The following SV2C variants were observed in gnomAD, a reference collection of about 807,000 sequenced individuals.
The protein encoded by SV2C is solute carrier family 22 member B3.
SV2C carries 49 observed loss-of-function variants against 79.7 expected under a neutral mutation model. The ratio of observed to expected loss-of-function variants is 0.61; its 90% CI spans 0.49 to 0.78. The LOEUF is 0.78. SV2C is among the 30% of genes least tolerant of loss of function. The probability of loss-of-function intolerance (pLI) is 0.00; values close to 1 mark genes in which losing one functional copy is unlikely to be tolerated. For missense variants in SV2C, 833 were observed against 912.9 expected, an observed-to-expected ratio of 0.91 and a Z score of 1.13; for synonymous variants, 334 against 333.2, an observed-to-expected ratio of 1.00 and a Z score of -0.03.
chr5:75,848,833 A>G, the SV2C span, among the ~76,000 whole-genome samples: 3 of 152,054 alleles, frequency 2.0e-5, no homozygotes, highest in Non-Finnish European at 4.4e-5. Flanking sequence ...TTGAATCCCT[A>G]CTCTGTCAAT....
At position 76,271,616 on chromosome 5, in the gene SV2C, C is replaced by CTTTTTTTTTTTT. The variant is rs34458409; in HGVS notation, c.914-13533_914-13522dup. On this transcript the variant is annotated intron_variant, in intron 4 of 12. Coordinates refer to ENST00000502798, the MANE Select transcript of SV2C (RefSeq NM_014979.4). Reference sequence around the variant, plus strand: ...TCAAAAAAACTACTAAGCATGTGTTCTTTTTTTTTTTTTTTTTTTTTTTTG... The same window carrying CTTTTTTTTTTTT: ...TCAAAAAAACTACTAAGCATGTGTTCTTTTTTTTTTTTTTTTTTTTTTTTTTTTTTTTTTTTG... Among the ~76,000 whole-genome samples, 791 of 96,058 alleles carry CTTTTTTTTTTTT rather than the reference C, an allele frequency of 8.2e-3. 1 individual carries two copies. The highest frequency in any genetic ancestry group is 9.1e-3 in the Non-Finnish European group (460 of 50,454). The allele number at this position is 96,058 out of a possible 152,430, so 63.0% of individuals were successfully genotyped here.
At chr5:75,883,264 A>G in the SV2C span, among the ~76,000 whole-genome samples, 3 of 133,906 alleles carry the variant, frequency 2.2e-5, no homozygotes, top group Non-Finnish European at 4.6e-5. Flanking sequence ...TAGTTCAACC[A>G]TTGTGGAAGT....
In SV2C at chr5:76,170,505, T is replaced by C. The variant is rs527967901; in HGVS notation, c.581-24414T>C. Among the ~76,000 whole-genome samples, 106 of 123,452 alleles carry C rather than the reference T, an allele frequency of 8.6e-4. 1 individual carries two copies. Among genetic ancestry groups the C allele is most frequent in the African/African-American group, 2.9e-3 (98 of 33,244 alleles). The allele number at this position is 123,452 out of a possible 152,430, so 81.0% of individuals were successfully genotyped here. A position where few individuals can be genotyped will look rare whatever the true frequency, so the allele number is the denominator to read the frequency against. On this transcript the variant is annotated intron_variant, in intron 2 of 12. Transcript: ENST00000502798. ...ACAGCTGCAGAAGCCTGAAAATGAT[T>C]TACAAAAATTGTTAAATCATTAAAA...
chr5:76,289,956 A>T (rs1268221132), intron 6 of SV2C, among the ~76,000 whole-genome samples: 1 of 152,196 alleles, frequency 6.6e-6, no homozygotes. Flanking sequence ...TTGGAGCCAC[A>T]TGGCTGCCTA....
the SV2C span, among the ~76,000 whole-genome samples, chr5:75,908,103 T>C: frequency 7.2e-5 from 11 of 152,260 alleles, no homozygotes; most frequent in Non-Finnish European, 2.9e-5. Flanking sequence ...CAATCGTTTT[T>C]AGTATATTCA....
chr5:76,341,119 C>A (rs12516036), intron 12 of SV2C, among the ~76,000 whole-genome samples: 1 of 152,004 alleles, frequency 6.6e-6, no homozygotes, highest in Non-Finnish European at 1.5e-5. Flanking sequence ...TTAGTACAGA[C>A]GGGTTTTCAC....
chr5:75,936,804 C>T, the SV2C span, among the ~76,000 whole-genome samples: 57 of 152,238 alleles, frequency 3.7e-4, no homozygotes, highest in African/African-American at 1.3e-3. Context: ...TACGGCAAAC[C>T]CAATGGACAG....
At chr5:76,307,156 G>A (rs1340518649) in intron 12 of SV2C, among the ~76,000 whole-genome samples, 1 of 152,058 alleles carries the variant, frequency 6.6e-6, no homozygotes, top group Non-Finnish European at 1.5e-5. Flanking sequence ...AATTTATGAG[G>A]TTTTCAGCCA....
chr5:76,102,527 C>T (rs765503516), intron 1 of SV2C, among the ~76,000 whole-genome samples: 3 of 152,056 alleles, frequency 2.0e-5, no homozygotes, highest in Non-Finnish European at 2.9e-5. Context: ...TCTGGTGAAC[C>T]CAGGAGGTGA....
At chr5:76,036,804 TG>T in the SV2C span, among the ~76,000 whole-genome samples, 22 of 152,220 alleles carry the variant, frequency 1.4e-4, no homozygotes, top group Admixed American at 6.5e-4. Flanking sequence ...CTTGCTAGAT[TG>T]GGGAAGTTCT....
chr5:76,059,116 C>G, the SV2C span, among the ~76,000 whole-genome samples: 1 of 152,088 alleles, frequency 6.6e-6, no homozygotes, highest in Non-Finnish European at 1.5e-5. Flanking sequence ...CTAAAAGATG[C>G]TAACAATCAT....
intron 4 of SV2C, among the ~76,000 whole-genome samples, chr5:76,256,891 C>T (rs985238790): frequency 5.2e-4 from 79 of 152,364 alleles, no homozygotes; most frequent in African/African-American, 1.6e-3. Context: ...ACGAGTTCCT[C>T]TTGATCGGGG....
upstream of SV2C, chr5:76,079,707 A>G: frequency 3.4e-6 from 1 of 296,920 alleles, no homozygotes. Flanking sequence ...GAGATCGTCT[A>G]TGTCCCTTCA....
chr5:75,923,820 T>G, the SV2C span, among the ~76,000 whole-genome samples: 1 of 152,254 alleles, frequency 6.6e-6, no homozygotes. Flanking sequence ...GGAATGTAAA[T>G]CAGTACAACC....
the SV2C span, among the ~76,000 whole-genome samples, chr5:75,919,911 A>G: frequency 6.6e-6 from 1 of 152,236 alleles, no homozygotes; most frequent in Non-Finnish European, 1.5e-5. Flanking sequence ...TAAGAGTTTG[A>G]TAAGTTTTGG....
At chr5:76,257,381 G>A (rs955184345) in intron 4 of SV2C, among the ~76,000 whole-genome samples, 13 of 151,516 alleles carry the variant, frequency 8.6e-5, no homozygotes, top group Admixed American at 2.6e-4. Flanking sequence ...GGGGTGTGGG[G>A]GGTGCGTGTA....
the SV2C span, among the ~76,000 whole-genome samples, chr5:76,016,442 C>G: frequency 6.6e-6 from 1 of 151,904 alleles, no homozygotes; most frequent in Non-Finnish European, 1.5e-5. Flanking sequence ...GAATTGCTCC[C>G]CAAAGGGTCT....
At chr5:76,117,318 C>G (rs984336164) in intron 1 of SV2C, among the ~76,000 whole-genome samples, 3 of 152,156 alleles carry the variant, frequency 2.0e-5, no homozygotes, top group Non-Finnish European at 2.9e-5. Flanking sequence ...ATAACTGGCA[C>G]TGTAAGAAGA....
chr5:76,106,257 T>C (rs1747908397), intron 1 of SV2C, among the ~76,000 whole-genome samples: 1 of 152,126 alleles, frequency 6.6e-6, no homozygotes, highest in Admixed American at 6.6e-5. Flanking sequence ...AACCAGAATG[T>C]AACCACTTCT....
Sources: allele counts gnomAD v4.1 joint callset (sites outside exome capture counted in the v4.1 genomes callset), GRCh38; gene constraint gnomAD v4.1.1; transcripts MANE v1.5; gene names NCBI Gene and HGNC (gene_info 2026-07-23, HGNC 2026-07-21).